DHX29: variants seen among roughly 807,000 people sequenced by gnomAD.
DHX29 encodes ATP-dependent RNA helicase DHX29.
DHX29 carries 79 observed loss-of-function variants against 167.9 expected under a neutral mutation model. The ratio of observed to expected loss-of-function variants is 0.47; its 90% CI spans 0.39 to 0.57. The LOEUF is 0.57. Ranked by LOEUF, DHX29 falls within the 20% of genes least tolerant of loss-of-function variation. The pLI is 0.00. For missense variants in DHX29, 1,347 were observed against 1,593.4 expected (o/e 0.85, Z 2.63); for synonymous variants, 530 against 546.0 (o/e 0.97, Z 0.41).
intron 14 of DHX29, among the ~76,000 whole-genome samples, chr5:55,275,772 TG>T (rs1351972846): frequency 6.6e-6 from 1 of 151,440 alleles, no homozygotes; most frequent in Non-Finnish European, 1.5e-5. Flanking sequence ...TATGTATGTA[TG>T]TGTGTGTGTC....
chr5:55,259,063 CTTT>C (rs1746184360), intron 26 of DHX29, among the ~76,000 whole-genome samples: 1 of 152,078 alleles, frequency 6.6e-6, no homozygotes, highest in Non-Finnish European at 1.5e-5. Context: ...CTAGGCTGGA[CTTT>C]AACTCCTGGG....
chr5:55,264,963 G>A (rs899724811), intron 23 of DHX29, among the ~76,000 whole-genome samples: 7 of 152,094 alleles, frequency 4.6e-5, no homozygotes, highest in African/African-American at 1.7e-4. Flanking sequence ...ATAGGTCCGA[G>A]TGTTATCAAT....
At chr5:55,260,355 C>T (rs774596240) in intron 25 of DHX29, among the ~76,000 whole-genome samples, 2 of 152,034 alleles carry the variant, frequency 1.3e-5, no homozygotes, top group Non-Finnish European at 2.9e-5. Context: ...CCTCAGCCTC[C>T]GGAGTAGCTG....
chr5:55,273,174 T>G (rs144879984), intron 17 of DHX29, 119 bp downstream of exon 17: 1 of 1,023,324 alleles, frequency 9.8e-7, no homozygotes, highest in East Asian at 2.8e-5. Flanking sequence ...ACACTTGGAG[T>G]TGGCAATGCG....
Position 55,262,626 on chromosome 5 carries a change from T to A in DHX29, c.3828+4A>T, listed in dbSNP as rs1746361813. ...ATACTGGAATTTAGGAATGAGTACT[T>A]CACCTTCTCCTGGTATAAGAGCCAT... is the stretch of plus-strand genomic sequence containing the variant. On this transcript the variant is annotated splice_donor_region_variant and intron_variant, in intron 24 of 26. Transcript: ENST00000251636. The A allele has an allele frequency of 2.5e-6, 4 of 1,613,374 alleles. No homozygotes were observed. Among genetic ancestry groups the A allele is most frequent in the Non-Finnish European group, 3.4e-6 (4 of 1,179,576 alleles).
chr5:55,285,884 G>C, intron 8 of DHX29, 23 bp from the exon 9 acceptor site: 2 of 1,518,448 alleles, frequency 1.3e-6, no homozygotes, highest in Non-Finnish European at 1.8e-6. Flanking sequence ...ACAAAGATTG[G>C]TTCTTTAAAA....
intron 1 of DHX29, among the ~76,000 whole-genome samples, chr5:55,299,097 C>T (rs1748475650): frequency 6.6e-6 from 1 of 150,772 alleles, no homozygotes; most frequent in Non-Finnish European, 1.5e-5. Context: ...CAGCTTTTTT[C>T]CCCAATACTT....
At chr5:55,300,768 CA>C (rs550979136) in intron 1 of DHX29, among the ~76,000 whole-genome samples, 32 of 152,242 alleles carry the variant, frequency 2.1e-4, no homozygotes, top group African/African-American at 6.7e-4. Context: ...TTTTTCAAGA[CA>C]AAAAATAATA....
rs70992777 is a variant in DHX29, at chr5:55,301,713, C to CAAAAAAAAA, written c.188-3058_188-3050dup. On this transcript the variant is annotated intron_variant, in intron 1 of 26. Transcript: ENST00000251636. ...GGGCAACAAGAGTGAAACTCCATCT[C>CAAAAAAAAA]AAAAAAAAAAAAAAAAAAAAAAACA... 1.8e-3 allele frequency among the ~76,000 whole-genome samples: 116 copies of CAAAAAAAAA among 64,744 alleles called. 2 individuals carry two copies. The highest frequency in any genetic ancestry group is 6.3e-3 in the African/African-American group (113 of 17,886). 42.5% of individuals were successfully genotyped at this position (64,744 alleles called of 152,430 possible). A position where few individuals can be genotyped will look rare whatever the true frequency, so the allele number is the denominator to read the frequency against.
At chr5:55,304,956 A>G (rs988513756) in intron 1 of DHX29, among the ~76,000 whole-genome samples, 6 of 152,256 alleles carry the variant, frequency 3.9e-5, no homozygotes, top group Non-Finnish European at 8.8e-5. Flanking sequence ...AAATAAACCC[A>G]AAAGTTATGT....
intron 18 of DHX29, among the ~76,000 whole-genome samples, chr5:55,271,322 C>T (rs1415335279): frequency 1.3e-5 from 2 of 152,210 alleles, no homozygotes; most frequent in African/African-American, 2.4e-5. Flanking sequence ...CTGAACTAGG[C>T]ACTTTCAGTT....
At chr5:55,301,531 T>C (rs932995229) in intron 1 of DHX29, among the ~76,000 whole-genome samples, 24 of 151,660 alleles carry the variant, frequency 1.6e-4, no homozygotes, top group Admixed American at 5.3e-4. Context: ...CTGACCAACA[T>C]GGAGAAACCC....
chr5:55,270,727 A>C, intron 18 of DHX29, 21 bp from the exon 19 acceptor site: 1 of 1,589,254 alleles, frequency 6.3e-7, no homozygotes, highest in Non-Finnish European at 8.6e-7. Context: ...GTTTTAGGAG[A>C]GAATATGTAG....
At chr5:55,274,513 C>A in intron 16 of DHX29, 101 bp downstream of exon 16, 4 of 825,054 alleles carry the variant, frequency 4.8e-6, no homozygotes, top group East Asian at 2.9e-5. Flanking sequence ...TAATTTTAAC[C>A]CATGGTGAAA....
intron 12 of DHX29, among the ~76,000 whole-genome samples, chr5:55,280,693 C>T (rs181741163): frequency 3.3e-5 from 5 of 152,242 alleles, no homozygotes; most frequent in South Asian, 4.1e-4. Context: ...GAAAAACAAA[C>T]GTAAACCAAG....
intron 6 of DHX29, 52 bp downstream of exon 6, chr5:55,293,965 A>G (rs1748174509): frequency 1.3e-6 from 2 of 1,563,998 alleles, no homozygotes; most frequent in Non-Finnish European, 1.7e-6. Context: ...AAAAGGAAAT[A>G]TATCTTGCTT....
At chr5:55,262,415 T>C (rs1216495459) in intron 24 of DHX29, among the ~76,000 whole-genome samples, 4 of 152,192 alleles carry the variant, frequency 2.6e-5, no homozygotes, top group South Asian at 2.1e-4. Context: ...GTAGAAAAGA[T>C]GATGGGCAGA....
chr5:55,294,034 C>T lies in DHX29; in HGVS notation c.763G>A (p.Glu255Lys), dbSNP rs767466734. Reference sequence around the variant, plus strand: ...CTACTCACAGGGTCAAATTTTTCCTCCTCTTCTAAACTTTTAGAATTCTCA... The same window carrying T: ...CTACTCACAGGGTCAAATTTTTCCTTCTCTTCTAAACTTTTAGAATTCTCA... ...KNENSKSLEE[E>K]EKFDPNERYL... Residue 255 changes from glutamate to lysine, a missense_variant, in exon 6 of 27, where the codon GAG becomes AAG. By Grantham distance (56) the Glu-to-Lys change is moderately conservative. This residue lies in a region of DHX29 where 405 missense variants were observed against 416.8 expected (regional missense o/e 0.97). Transcript: ENST00000251636. 9.4e-5 allele frequency: 151 copies of T among 1,606,806 alleles called. No homozygotes were observed. Among genetic ancestry groups the T allele is most frequent in the Non-Finnish European group, 1.2e-4 (144 of 1,178,036 alleles).
chr5:55,285,976 C>T (rs1353581824), intron 8 of DHX29, 115 bp from the exon 9 acceptor site: 2 of 785,266 alleles, frequency 2.5e-6, no homozygotes, highest in African/African-American at 1.8e-5. Flanking sequence ...TACTTGAGGC[C>T]AGGTGCAGTG....
Sources: gnomAD v4.1 joint callset for allele counts (sites outside exome capture counted in the v4.1 genomes callset) on GRCh38, gnomAD v4.1.1 for gene constraint, gnomAD v4.1.1 regional missense constraint, MANE v1.5 for transcripts, NCBI Gene and HGNC (gene_info 2026-07-23, HGNC 2026-07-21) for gene names.